DPP6: variants seen among roughly 807,000 people sequenced by gnomAD.
DPP6 encodes dipeptidyl peptidase like 6, also known as A-type potassium channel modulatory protein DPP6.
A neutral mutation model predicts 122.6 loss-of-function variants in DPP6; 69 were observed. The observed-to-expected ratio is 0.56, with a 90% confidence interval of 0.46 to 0.69. The LOEUF (loss-of-function observed/expected upper bound fraction) is 0.69, where lower values mean the gene tolerates loss of function less well. DPP6 is among the 30% of genes least tolerant of loss of function. The pLI, the probability that DPP6 is intolerant of heterozygous loss-of-function variation, is 0.00. For missense variants in DPP6, 928 were observed against 1,116.9 expected (o/e 0.83, Z 2.41); for synonymous variants, 418 against 433.1 (o/e 0.97, Z 0.43).
chr7:154,175,939 C>T (rs1432626056), intron 1 of DPP6, among the ~76,000 whole-genome samples: 2 of 152,084 alleles, frequency 1.3e-5, no homozygotes, highest in East Asian at 1.9e-4. Flanking sequence ...CCACCCACCT[C>T]GGCCTCCCAA....
intron 1 of DPP6, among the ~76,000 whole-genome samples, chr7:153,895,750 A>G (rs2128995919): frequency 6.6e-6 from 1 of 152,218 alleles, no homozygotes; most frequent in African/African-American, 2.4e-5. Flanking sequence ...ACACACACAC[A>G]CACACACACA....
rs565073260 is a variant in DPP6, at chr7:154,596,072, G to T, written c.627+29156G>T. 1.1e-3 allele frequency among the ~76,000 whole-genome samples: 165 copies of T among 152,244 alleles called. 2 individuals are homozygous for T. The highest frequency in any genetic ancestry group is 3.9e-3 in the African/African-American group (161 of 41,542). On this transcript the variant is annotated intron_variant, in intron 5 of 25. Transcript: ENST00000377770. ...GAGACGCCATCTCAAAAAAAGAAAG[G>T]TTATGCCTCACAGGTTCTGACATTC...
chr7:153,854,278 G>A, the DPP6 span, among the ~76,000 whole-genome samples: 1 of 152,046 alleles, frequency 6.6e-6, no homozygotes. Flanking sequence ...GTCAGGTAGT[G>A]TGATGCCTCC....
intron 8 of DPP6, among the ~76,000 whole-genome samples, chr7:154,748,152 C>T (rs561344341): frequency 8.5e-5 from 13 of 152,264 alleles, no homozygotes; most frequent in South Asian, 6.2e-4. Context: ...GACAGCAGCC[C>T]ATGTAGAGGG....
chr7:153,912,758 C>G (rs764852513), intron 1 of DPP6, among the ~76,000 whole-genome samples: 7 of 152,150 alleles, frequency 4.6e-5, no homozygotes, highest in Non-Finnish European at 1.0e-4. Context: ...AAATCATACA[C>G]GTGCACAGAC....
chr7:154,734,285 T>C (rs1842476545), intron 8 of DPP6, among the ~76,000 whole-genome samples: 1 of 152,194 alleles, frequency 6.6e-6, no homozygotes, highest in South Asian at 2.1e-4. Flanking sequence ...TTTTATGCTG[T>C]TTTTAAAACT....
At chr7:154,292,265 C>G (rs1805257114) in intron 1 of DPP6, among the ~76,000 whole-genome samples, 1 of 152,024 alleles carries the variant, frequency 6.6e-6, no homozygotes, top group Admixed American at 6.6e-5. Context: ...ATTTTCTGGT[C>G]CCCCACAAGT....
chr7:153,981,614 G>C (rs1796592103), intron 1 of DPP6, among the ~76,000 whole-genome samples: 1 of 152,182 alleles, frequency 6.6e-6, no homozygotes, highest in East Asian at 1.9e-4. Context: ...TTGCTCATTA[G>C]TTGATGCAGT....
intron 1 of DPP6, among the ~76,000 whole-genome samples, chr7:154,085,553 TC>T (rs1804347605): frequency 6.6e-6 from 1 of 152,208 alleles, no homozygotes. Flanking sequence ...TTTGTTGTAC[TC>T]CTTGTTTTCT....
At chr7:154,060,457 TC>T (rs1334430279) in intron 1 of DPP6, among the ~76,000 whole-genome samples, 2 of 138,816 alleles carry the variant, frequency 1.4e-5, no homozygotes, top group Non-Finnish European at 3.1e-5. Flanking sequence ...CAGACCCTCT[TC>T]CCCCTCTGGC....
At chr7:154,221,805 A>T (rs1800322733) in intron 1 of DPP6, among the ~76,000 whole-genome samples, 1 of 152,234 alleles carries the variant, frequency 6.6e-6, no homozygotes, top group Non-Finnish European at 1.5e-5. Context: ...GGAGCGGATG[A>T]ACAATGTTGG....
At chr7:153,753,083 C>T in the DPP6 span, among the ~76,000 whole-genome samples, 4 of 151,876 alleles carry the variant, frequency 2.6e-5, no homozygotes, top group East Asian at 5.8e-4. Flanking sequence ...TAAAATTCTT[C>T]GCTCTATCTG....
At chr7:154,268,853 A>G (rs1803601995) in intron 1 of DPP6, among the ~76,000 whole-genome samples, 1 of 151,390 alleles carries the variant, frequency 6.6e-6, no homozygotes, top group African/African-American at 2.4e-5. Flanking sequence ...GGACCTGGTG[A>G]CTTTGAATTA....
At chr7:154,290,263 T>C (rs1457471798) in intron 1 of DPP6, among the ~76,000 whole-genome samples, 1 of 152,200 alleles carries the variant, frequency 6.6e-6, no homozygotes, top group East Asian at 1.9e-4. Context: ...TGATACATCA[T>C]TTTAATTTTA....
At chr7:154,852,764 G>A (rs558925177) in intron 16 of DPP6, among the ~76,000 whole-genome samples, 3 of 152,358 alleles carry the variant, frequency 2.0e-5, no homozygotes, top group South Asian at 2.1e-4. Context: ...TCCCAATAGC[G>A]TAGTGTGTGG....
At chr7:154,506,686 A>G (rs891700678) in intron 3 of DPP6, among the ~76,000 whole-genome samples, 1 of 152,210 alleles carries the variant, frequency 6.6e-6, no homozygotes, top group Non-Finnish European at 1.5e-5. Flanking sequence ...GCGTAAAAAG[A>G]TGATGACCCA....
chr7:154,857,610 A>G (rs1462302926), intron 17 of DPP6, among the ~76,000 whole-genome samples: 9 of 152,140 alleles, frequency 5.9e-5, no homozygotes, highest in Admixed American at 5.9e-4. Context: ...AAATGCACTG[A>G]GTTTTCATTT....
At chr7:154,220,555 G>A (rs1800246474) in intron 1 of DPP6, among the ~76,000 whole-genome samples, 1 of 152,068 alleles carries the variant, frequency 6.6e-6, no homozygotes, top group Non-Finnish European at 1.5e-5. Context: ...CTGCCCATGT[G>A]CCCCGAGCCT....
intron 6 of DPP6, among the ~76,000 whole-genome samples, chr7:154,647,603 C>T (rs1836570480): frequency 6.6e-6 from 1 of 152,174 alleles, no homozygotes; most frequent in African/African-American, 2.4e-5. Context: ...CTCACATGTG[C>T]CCTGGGCTCC....
Sources: gnomAD v4.1 joint callset for allele counts (sites outside exome capture counted in the v4.1 genomes callset) on GRCh38, gnomAD v4.1.1 for gene constraint, MANE v1.5 for transcripts, NCBI Gene and HGNC (gene_info 2026-07-23, HGNC 2026-07-21) for gene names.